The following MAMDC2 variants were observed in gnomAD, a reference collection of about 807,000 sequenced individuals.
The protein encoded by MAMDC2 is MAM domain containing 2, also known as MAM domain-containing protein 2.
MAMDC2 carries 57 observed loss-of-function variants against 89.8 expected under a neutral mutation model. The ratio of observed to expected loss-of-function variants is 0.63; its 90% CI spans 0.51 to 0.79. The LOEUF (loss-of-function observed/expected upper bound fraction) is 0.79, where lower values mean the gene tolerates loss of function less well. Among genes scored for constraint, MAMDC2 ranks in the 30% least tolerant of loss-of-function variants. MAMDC2 has a pLI of 0.00. For missense variants in MAMDC2, 800 were observed against 820.6 expected, an observed-to-expected ratio of 0.97 and a Z score of 0.31; for synonymous variants, 313 against 293.4, an observed-to-expected ratio of 1.07 and a Z score of -0.68.
intron 9 of MAMDC2, among the ~76,000 whole-genome samples, chr9:70,166,268 T>TACACAC (rs1401822378): frequency 5.6e-4 from 20 of 35,476 alleles, no homozygotes; most frequent in Middle Eastern, 0.059. Flanking sequence ...CAGAAATATA[T>TACACAC]ATATATATAC....
intron 5 of MAMDC2, among the ~76,000 whole-genome samples, chr9:70,124,781 C>T (rs562838248): frequency 1.3e-5 from 2 of 152,308 alleles, no homozygotes; most frequent in South Asian, 4.1e-4. Context: ...TCATAGCTTA[C>T]TGCAACCTTG....
intron 9 of MAMDC2, among the ~76,000 whole-genome samples, chr9:70,154,553 G>A (rs1207363744): frequency 7.2e-6 from 1 of 138,352 alleles, no homozygotes; most frequent in Non-Finnish European, 1.5e-5. Context: ...TTTTGAGACA[G>A]GGTCTCTGTT....
chr9:70,070,988 T>C (rs1827392773), intron 2 of MAMDC2, among the ~76,000 whole-genome samples: 1 of 152,266 alleles, frequency 6.6e-6, no homozygotes, highest in African/African-American at 2.4e-5. Context: ...ATATCAATGG[T>C]CATTTATTTA....
At chr9:70,140,324 G>C in intron 8 of MAMDC2, 36 bp downstream of exon 8, 1 of 1,543,940 alleles carries the variant, frequency 6.5e-7, no homozygotes, top group Non-Finnish European at 8.7e-7. Flanking sequence ...GGACATCTTG[G>C]GTAGTCGTGA....
intron 2 of MAMDC2, among the ~76,000 whole-genome samples, chr9:70,079,569 G>A (rs759398971): frequency 6.6e-6 from 1 of 152,138 alleles, no homozygotes; most frequent in Non-Finnish European, 1.5e-5. Context: ...AGCCAAGGGG[G>A]TTTGCTTTCT....
intron 2 of MAMDC2, among the ~76,000 whole-genome samples, chr9:70,100,328 C>T (rs1029550983): frequency 6.6e-6 from 1 of 152,170 alleles, no homozygotes; most frequent in African/African-American, 2.4e-5. Context: ...AAGATTTGAA[C>T]CAACATCAAG....
Position 70,218,453 on chromosome 9 carries a change from T to C in MAMDC2, c.1768T>C (p.Tyr590His), listed in dbSNP as rs372699423. ...CTGCTTGACCTTTTTCTACCACATGTATGGAGGGGGCACTGGCCTGCTGAG... is the reference window on the plus strand; with the variant it reads ...CTGCTTGACCTTTTTCTACCACATGCATGGAGGGGGCACTGGCCTGCTGAG... ...KHCLTFFYHM[Y>H]GGGTGLLSVY... Residue 590 changes from tyrosine (Y) to histidine (H), a missense_variant, in exon 12 of 14, where the codon TAT becomes CAT. Physicochemically the swap from Tyr to His is moderately conservative, Grantham distance 83 (BLOSUM62 2). Coordinates refer to ENST00000377182, the MANE Select transcript of MAMDC2 (RefSeq NM_153267.5). 6.2e-7 allele frequency: 1 copy of C among 1,614,060 alleles called. No homozygotes were observed. Among genetic ancestry groups the C allele is most frequent in the Non-Finnish European group, 8.5e-7 (1 of 1,180,008 alleles).
At chr9:70,105,726 G>A (rs3015206) in intron 2 of MAMDC2, among the ~76,000 whole-genome samples, 9,706 of 152,124 alleles carry the variant, frequency 0.064, 992 homozygotes, top group African/African-American at 0.21. Flanking sequence ...GCTCTCAAAG[G>A]TTCTTGACAA....
intron 2 of MAMDC2, among the ~76,000 whole-genome samples, chr9:70,094,621 TAA>T (rs1005978742): frequency 1.3e-5 from 2 of 152,066 alleles, no homozygotes; most frequent in African/African-American, 4.8e-5. Context: ...ATTTCCATAA[TAA>T]AAAAGAGTTT....
chr9:70,163,952 C>CAAAAAA (rs34029718), intron 9 of MAMDC2, among the ~76,000 whole-genome samples: 5 of 70,052 alleles, frequency 7.1e-5, no homozygotes, highest in Non-Finnish European at 1.3e-4. Context: ...GACTCTGTCT[C>CAAAAAA]AAAAAAAAAA....
intron 12 of MAMDC2, among the ~76,000 whole-genome samples, chr9:70,219,427 G>A (rs1181750955): frequency 6.6e-6 from 1 of 152,200 alleles, no homozygotes; most frequent in Non-Finnish European, 1.5e-5. Flanking sequence ...CTTACTTCTG[G>A]CTGATAAACC....
Position 70,221,388 on chromosome 9 carries a change from G to T in MAMDC2, c.1911+2792G>T, listed in dbSNP as rs1393357245. Among the ~76,000 whole-genome samples the T allele has an allele frequency of 5.1e-3, 170 of 33,336 alleles. 16 individuals carry two copies. The highest frequency in any genetic ancestry group is 7.3e-3 in the Non-Finnish European group (109 of 14,894). The allele number at this position is 33,336 out of a possible 152,430, so 21.9% of individuals were successfully genotyped here. On this transcript the variant is annotated intron_variant, in intron 12 of 13. Coordinates refer to ENST00000377182, the MANE Select transcript of MAMDC2 (RefSeq NM_153267.5). ...ATATATATATATATATATAGAGAGA[G>T]AGAGAGAGAGAGAGAGAGAGTAACA...
intron 2 of MAMDC2, among the ~76,000 whole-genome samples, chr9:70,074,152 G>A (rs904807350): frequency 3.2e-4 from 48 of 152,194 alleles, no homozygotes; most frequent in Non-Finnish European, 8.8e-5. Context: ...CTCATGCTTA[G>A]CCATTCCTAA....
chr9:70,195,078 G>A (rs544421192), intron 11 of MAMDC2, among the ~76,000 whole-genome samples: 1 of 152,008 alleles, frequency 6.6e-6, no homozygotes, highest in South Asian at 2.1e-4. Flanking sequence ...TTTCCTATTT[G>A]AATAAACGTA....
intron 5 of MAMDC2, among the ~76,000 whole-genome samples, chr9:70,114,095 T>C (rs772474949): frequency 4.0e-5 from 6 of 151,586 alleles, no homozygotes; most frequent in Non-Finnish European, 7.4e-5. Flanking sequence ...TCCAACTCTT[T>C]TTTTCAAAAG....
At chr9:70,044,514 C>G (rs1188579136) in intron 1 of MAMDC2, 70 bp from the exon 2 acceptor site, 10 of 1,277,030 alleles carry the variant, frequency 7.8e-6, no homozygotes, top group Non-Finnish European at 1.1e-5. Flanking sequence ...GGTAGTCCCC[C>G]TGGGGCTCCC....
chr9:70,116,062 T>C (rs1444499770), intron 5 of MAMDC2, among the ~76,000 whole-genome samples: 1 of 152,244 alleles, frequency 6.6e-6, no homozygotes, highest in Non-Finnish European at 1.5e-5. Flanking sequence ...TGTGTCATTA[T>C]CACAGTTGCA....
rs755518696 is a variant in MAMDC2 at position 70,131,541 on chromosome 9, A to G, written c.923A>G (p.Asn308Ser). Residue 308 changes from asparagine to serine, a missense_variant, in exon 7 of 14, where the codon AAT becomes AGT. By Grantham distance (46) the Asn-to-Ser change is conservative. Transcript: ENST00000377182. ...PMEVIFEVAF[N>S]GPKGGYVALD... is the part of the protein sequence containing the mutation. Reference sequence around the variant, plus strand: ...CAGGTTATTTTTGAAGTTGCTTTCAATGGTCCCAAGGGAGGTTATGTTGCC... The same window carrying G: ...CAGGTTATTTTTGAAGTTGCTTTCAGTGGTCCCAAGGGAGGTTATGTTGCC... The G allele has an allele frequency of 8.3e-5, 133 of 1,601,084 alleles. 1 individual carries two copies. Among genetic ancestry groups the G allele is most frequent in the Non-Finnish European group, 9.1e-5 (107 of 1,177,074 alleles).
At chr9:70,114,638 C>T (rs1189756286) in intron 5 of MAMDC2, among the ~76,000 whole-genome samples, 1 of 152,004 alleles carries the variant, frequency 6.6e-6, no homozygotes, top group Non-Finnish European at 1.5e-5. Flanking sequence ...AAAACAAACG[C>T]AACTTTAAAT....
Sources: gnomAD v4.1 joint callset for allele counts (sites outside exome capture counted in the v4.1 genomes callset) on GRCh38, gnomAD v4.1.1 for gene constraint, MANE v1.5 for transcripts, NCBI Gene and HGNC (gene_info 2026-07-23, HGNC 2026-07-21) for gene names.